TDP1: variants seen among roughly 807,000 people sequenced by gnomAD.
The protein encoded by TDP1 is tyrosyl-DNA phosphodiesterase 1, also known as tyr-DNA phosphodiesterase 1.
TDP1 carries 64 observed loss-of-function variants against 81.5 expected under a neutral mutation model. That is an observed-to-expected ratio of 0.79 (90% CI 0.64 to 0.97). The LOEUF (loss-of-function observed/expected upper bound fraction) is 0.97. TDP1 is among the 50% of genes least tolerant of loss of function. The probability of loss-of-function intolerance (pLI) is 0.00; values close to 1 mark genes in which losing one functional copy is unlikely to be tolerated. For missense variants in TDP1, 723 were observed against 743.8 expected, an observed-to-expected ratio of 0.97 and a Z score of 0.33; for synonymous variants, 256 against 264.3, an observed-to-expected ratio of 0.97 and a Z score of 0.30.
intron 14 of TDP1, among the ~76,000 whole-genome samples, chr14:90,011,648 G>C (rs1884721035): frequency 6.6e-6 from 1 of 152,196 alleles, no homozygotes; most frequent in Non-Finnish European, 1.5e-5. Context: ...CCCTGCCATA[G>C]AGATCTGTGG....
rs918834041 is a variant in TDP1 at position 89,964,646 on chromosome 14, A to G, written c.559+973A>G. 7.2e-5 allele frequency among the ~76,000 whole-genome samples: 11 copies of G among 152,294 alleles called. No homozygotes were observed. The East Asian group carries it at 1.9e-3, about 27-fold the overall frequency. Reference sequence around the variant, plus strand: ...TACATGTTGGAGTATTTCATACTGTAGAGTGTTCTACAGGTTGTTTTCTTT... The same window carrying G: ...TACATGTTGGAGTATTTCATACTGTGGAGTGTTCTACAGGTTGTTTTCTTT... On this transcript the variant is annotated intron_variant, in intron 3 of 16. Transcript: ENST00000335725.
chr14:89,967,087 A>G (rs979126611), intron 4 of TDP1: 1 of 985,352 alleles, frequency 1.0e-6, no homozygotes, highest in Non-Finnish European at 1.2e-6. Context: ...ATGTAATAAC[A>G]CCCTGCGGAC....
At chr14:89,969,859 T>C (rs1446128605) in intron 5 of TDP1, among the ~76,000 whole-genome samples, 1 of 149,650 alleles carries the variant, frequency 6.7e-6, no homozygotes, top group African/African-American at 2.5e-5. Flanking sequence ...GGAGAGCTTG[T>C]AGAAATATAC....
chr14:89,998,072 C>T (rs1896792920), intron 14 of TDP1, among the ~76,000 whole-genome samples: 1 of 151,862 alleles, frequency 6.6e-6, no homozygotes, highest in Non-Finnish European at 1.5e-5. Context: ...ATTCTTGGTA[C>T]CAGATGTAGT....
chr14:90,021,478 CTGACCA>C (rs756808941), intron 15 of TDP1, among the ~76,000 whole-genome samples: 2 of 152,184 alleles, frequency 1.3e-5, no homozygotes, highest in African/African-American at 2.4e-5. Context: ...TGTAACTGTT[CTGACCA>C]TGAAAATGCT....
intron 7 of TDP1, among the ~76,000 whole-genome samples, chr14:89,979,211 A>G (rs188074062): frequency 2.0e-5 from 3 of 152,330 alleles, no homozygotes; most frequent in Non-Finnish European, 2.9e-5. Flanking sequence ...CCTATTGAAA[A>G]CAACAGGGAG....
At chr14:89,975,476 G>A in intron 6 of TDP1, 2 of 983,496 alleles carry the variant, frequency 2.0e-6, no homozygotes, top group Middle Eastern at 5.2e-4. Context: ...TGTTTTACTA[G>A]TTTTTTGTCA....
At chr14:89,991,681 G>T (rs745403247) in intron 12 of TDP1, 9 of 981,408 alleles carry the variant, frequency 9.2e-6, no homozygotes, top group Non-Finnish European at 9.7e-6. Flanking sequence ...TTGCTTATAA[G>T]TCTGGATGTT....
At chr14:90,042,745 G>A (rs1251531578) in intron 16 of TDP1, 1 of 307,754 alleles carries the variant, frequency 3.2e-6, no homozygotes, top group African/African-American at 2.3e-5. Flanking sequence ...AGAACAGCAT[G>A]GGAAAGACCC....
intron 15 of TDP1, among the ~76,000 whole-genome samples, chr14:90,028,898 T>C (rs193183681): frequency 1.1e-4 from 17 of 152,296 alleles, no homozygotes; most frequent in Admixed American, 1.0e-3. Flanking sequence ...TTTGAAAATA[T>C]CAGGACTAAT....
chr14:90,042,624 G>A (rs35438967), intron 16 of TDP1, among the ~76,000 whole-genome samples: 3,201 of 152,306 alleles, frequency 0.021, 105 homozygotes, highest in African/African-American at 0.072. Flanking sequence ...GGTGGAAGGC[G>A]AAGGGGAAGC....
At chr14:89,997,510 G>A (rs1261597729) in intron 14 of TDP1, among the ~76,000 whole-genome samples, 2 of 152,172 alleles carry the variant, frequency 1.3e-5, no homozygotes, top group Admixed American at 1.3e-4. Flanking sequence ...GGAGACTTCA[G>A]GTGGAATTGT....
intron 14 of TDP1, among the ~76,000 whole-genome samples, chr14:90,010,856 A>T (rs1469884342): frequency 6.6e-6 from 1 of 152,238 alleles, no homozygotes; most frequent in African/African-American, 2.4e-5. Context: ...ATCAAGAGAA[A>T]AAAACAGTAT....
chr14:89,971,229 C>G lies in TDP1; in HGVS notation c.714C>G (p.Leu238=), dbSNP rs987026227. 19 of 1,614,042 alleles carry G rather than the reference C, an allele frequency of 1.2e-5. No homozygotes were observed. Among genetic ancestry groups the G allele is most frequent in the Non-Finnish European group, 1.6e-5 (19 of 1,180,006 alleles). The change falls in exon 6 of 17, where the codon CTC becomes CTG. Residue 238 remains leucine (L), a synonymous_variant. Transcript: ENST00000335725. The stretch of plus-strand genomic sequence containing the variant: ...ATAAGCGAGAGGCTAAGGCTCACCT[C>G]CATGCCCAGGCCAAGCCTTACGAGA... ...HGDKREAKAH[L]HAQAKPYENI...
At chr14:90,006,690 C>T (rs911767360) in intron 14 of TDP1, among the ~76,000 whole-genome samples, 3 of 152,178 alleles carry the variant, frequency 2.0e-5, no homozygotes, top group African/African-American at 7.2e-5. Context: ...GTGCCCGCGA[C>T]CAAGCCTGGC....
intron 10 of TDP1, among the ~76,000 whole-genome samples, chr14:89,985,956 G>A (rs1421666769): frequency 6.6e-6 from 1 of 152,204 alleles, no homozygotes; most frequent in African/African-American, 2.4e-5. Flanking sequence ...GAACCCGGGA[G>A]GCGGAGATTG....
At chr14:90,025,822 T>G (rs1886582389) in intron 15 of TDP1, among the ~76,000 whole-genome samples, 1 of 152,238 alleles carries the variant, frequency 6.6e-6, no homozygotes. Context: ...CTTCTCTCTT[T>G]GGACCTCATT....
chr14:90,041,209 G>A (rs1236028995), intron 16 of TDP1, among the ~76,000 whole-genome samples: 1 of 152,226 alleles, frequency 6.6e-6, no homozygotes, highest in Non-Finnish European at 1.5e-5. Context: ...CACAGATGGA[G>A]TTTCCAGTGG....
In TDP1 at chr14:89,966,491, T is replaced by C. The variant is rs531818757; in HGVS notation, c.603+301T>C. Among the ~76,000 whole-genome samples the C allele has an allele frequency of 1.1e-4, 16 of 152,312 alleles. No individual in the cohort carries two copies. The East Asian group carries it at 2.3e-3, about 22-fold the overall frequency. On this transcript the variant is annotated intron_variant, in intron 4 of 16. Coordinates refer to ENST00000335725, the MANE Select transcript of TDP1 (RefSeq NM_018319.4). ...GGACACTTCTTTTGGGGATACTGATTAACTCATGGGACTGAGTTAACTCTG... is the reference window on the plus strand; with the variant it reads ...GGACACTTCTTTTGGGGATACTGATCAACTCATGGGACTGAGTTAACTCTG...
Sources: gnomAD v4.1 joint callset for allele counts (sites outside exome capture counted in the v4.1 genomes callset) on GRCh38, gnomAD v4.1.1 for gene constraint, MANE v1.5 for transcripts, NCBI Gene and HGNC (gene_info 2026-07-23, HGNC 2026-07-21) for gene names.